WDR41: variants seen among roughly 807,000 people sequenced by gnomAD.
WDR41 encodes the protein WD repeat-containing protein 41.
Under a neutral mutation model 69.3 loss-of-function variants are expected in WDR41, and 63 were observed. The ratio of observed to expected loss-of-function variants is 0.91; its 90% CI spans 0.74 to 1.12. WDR41 has a LOEUF of 1.12. WDR41 is among the 50% of genes most tolerant of loss of function. The pLI is 0.00. For missense variants in WDR41, 543 were observed against 534.5 expected, an observed-to-expected ratio of 1.02 and a Z score of -0.16; for synonymous variants, 185 against 192.1, an observed-to-expected ratio of 0.96 and a Z score of 0.31.
intron 1 of WDR41, among the ~76,000 whole-genome samples, chr5:77,603,345 G>A (rs1242729545): frequency 6.6e-6 from 1 of 152,106 alleles, no homozygotes; most frequent in African/African-American, 2.4e-5. Flanking sequence ...TCATATACCT[G>A]TTGGACATTT....
chr5:77,472,629 AACAG>A (rs1018178951), intron 2 of WDR41, among the ~76,000 whole-genome samples: 12 of 152,030 alleles, frequency 7.9e-5, no homozygotes, highest in South Asian at 2.1e-4. Context: ...TTACACCAAT[AACAG>A]ACAGAGAGCC....
chr5:77,614,648 G>A (rs1269927414), intron 1 of WDR41, among the ~76,000 whole-genome samples: 3 of 142,996 alleles, frequency 2.1e-5, no homozygotes, highest in Admixed American at 1.4e-4. Flanking sequence ...GACTGTTGTG[G>A]GGTGGGGGGG....
chr5:77,556,296 G>C (rs1743393176), intron 1 of WDR41, among the ~76,000 whole-genome samples: 1 of 149,138 alleles, frequency 6.7e-6, no homozygotes, highest in South Asian at 2.1e-4. Context: ...GTAGACATGG[G>C]GTTTCACCAT....
At chr5:77,609,366 C>T (rs10070284) in intron 1 of WDR41, among the ~76,000 whole-genome samples, 107,673 of 151,946 alleles carry the variant, frequency 0.71, 38,417 homozygotes, top group Admixed American at 0.78. Context: ...AGTGGGTCCC[C>T]GACCCCTGAC....
chr5:77,503,405 A>C (rs1480881240), intron 1 of WDR41, among the ~76,000 whole-genome samples: 1 of 152,206 alleles, frequency 6.6e-6, no homozygotes, highest in Non-Finnish European at 1.5e-5. Flanking sequence ...AAAGAGACTT[A>C]GACTCCCACA....
chr5:77,615,078 G>C (rs904301198), intron 1 of WDR41, among the ~76,000 whole-genome samples: 4 of 152,146 alleles, frequency 2.6e-5, no homozygotes, highest in Admixed American at 1.3e-4. Flanking sequence ...AAATGGGTTG[G>C]AGGAAATTTT....
chr5:77,474,008 C>T (rs1282732726), intron 2 of WDR41, among the ~76,000 whole-genome samples: 2 of 152,154 alleles, frequency 1.3e-5, no homozygotes, highest in Non-Finnish European at 2.9e-5. Context: ...CGGCACTGTT[C>T]ACAATAGCAA....
chr5:77,517,399 AC>A (rs1802305521), intron 1 of WDR41, among the ~76,000 whole-genome samples: 2 of 151,902 alleles, frequency 1.3e-5, no homozygotes, highest in African/African-American at 4.8e-5. Context: ...AAAAACAAAA[AC>A]AAAAAAAACA....
chr5:77,434,698 A>G (rs1798872653), intron 12 of WDR41, among the ~76,000 whole-genome samples: 1 of 152,150 alleles, frequency 6.6e-6, no homozygotes, highest in Non-Finnish European at 1.5e-5. Flanking sequence ...TGCTGTCTCA[A>G]AGAAAAAAAA....
chr5:77,475,697 T>C (rs1800884789), intron 2 of WDR41, among the ~76,000 whole-genome samples: 1 of 151,836 alleles, frequency 6.6e-6, no homozygotes, highest in South Asian at 2.1e-4. Flanking sequence ...AGACCAAAAC[T>C]AGACAAAACC....
intron 1 of WDR41, among the ~76,000 whole-genome samples, chr5:77,508,711 A>T (rs1368048421): frequency 1.3e-5 from 2 of 151,842 alleles, no homozygotes; most frequent in Non-Finnish European, 2.9e-5. Context: ...CTAGATACTT[A>T]TTTCCTCCCT....
At chr5:77,474,635 T>G (rs1194138508) in intron 2 of WDR41, among the ~76,000 whole-genome samples, 1 of 152,176 alleles carries the variant, frequency 6.6e-6, no homozygotes, top group Non-Finnish European at 1.5e-5. Flanking sequence ...TAAAAAAGAA[T>G]GTATTATATT....
intron 1 of WDR41, among the ~76,000 whole-genome samples, chr5:77,535,861 T>C (rs1463448158): frequency 1.3e-5 from 2 of 152,232 alleles, no homozygotes; most frequent in African/African-American, 4.8e-5. Flanking sequence ...AAGATTTGCC[T>C]ACCTAGCTGG....
In WDR41 at chr5:77,500,007, T is replaced by C. The variant is rs149155719; in HGVS notation, c.43-10435A>G. 1.5e-3 allele frequency among the ~76,000 whole-genome samples: 227 copies of C among 152,268 alleles called. 2 individuals are homozygous for C. The highest frequency in any genetic ancestry group is 5.2e-3 in the African/African-American group (214 of 41,552). ...TCTCCACAGGACTTAAAACCAAGTTTCATAGTGTCATATTCCAAAGGTCTA... is the reference window on the plus strand; with the variant it reads ...TCTCCACAGGACTTAAAACCAAGTTCCATAGTGTCATATTCCAAAGGTCTA... On this transcript the variant is annotated intron_variant, in intron 1 of 5. Coordinates refer to the WDR41 transcript ENST00000509971.
At position 77,453,928 on chromosome 5, in the gene WDR41, A is replaced by G. The variant is rs1381108407; in HGVS notation, c.412T>C (p.Cys138Arg). Residue 138 changes from cysteine to arginine, a missense_variant and splice_region_variant, in exon 6 of 13, where the codon TGT becomes CGT. Transcript: ENST00000296679. ...RISCFQSTVK[C>R]LTVLQRLDVW... ...TCTAGTCTCTGAAGAACAGTTAAAC[A>G]CTGCAAAATTTATTTGAAATGTATA... 3.7e-6 allele frequency: 6 copies of G among 1,611,654 alleles called. No individual in the cohort carries two copies. The highest frequency in any genetic ancestry group is 5.1e-6 in the Non-Finnish European group (6 of 1,177,870).
chr5:77,599,136 A>G (rs1483203426), intron 1 of WDR41, among the ~76,000 whole-genome samples: 1 of 138,706 alleles, frequency 7.2e-6, no homozygotes, highest in Admixed American at 7.2e-5. Flanking sequence ...TTTTTTTTCT[A>G]TTGATAGAAT....
At chr5:77,577,077 T>C (rs368433020) in intron 1 of WDR41, among the ~76,000 whole-genome samples, 5 of 152,158 alleles carry the variant, frequency 3.3e-5, no homozygotes, top group African/African-American at 1.2e-4. Flanking sequence ...CTCCTCAGCC[T>C]AGCCACAAAC....
At chr5:77,594,749 A>T (rs184469832) in intron 1 of WDR41, among the ~76,000 whole-genome samples, 1 of 152,326 alleles carries the variant, frequency 6.6e-6, no homozygotes, top group African/African-American at 2.4e-5. Flanking sequence ...AGGGGAAAAA[A>T]AGCTGTTTTT....
At position 77,606,401 on chromosome 5, in the gene WDR41, G is replaced by C. The variant is rs1170112685; in HGVS notation, c.42+14078C>G. 2.6e-5 allele frequency among the ~76,000 whole-genome samples: 4 copies of C among 152,206 alleles called. No homozygotes were observed. The East Asian group carries it at 7.7e-4, about 29-fold the overall frequency. On this transcript the variant is annotated intron_variant, in intron 1 of 5. Transcript: ENST00000509971. Reference sequence around the variant, plus strand: ...GAGGAAAGAAAGTTGGGAAAATAGAGTGCAGACATTATTTAGTGCATTGAA... The same window carrying C: ...GAGGAAAGAAAGTTGGGAAAATAGACTGCAGACATTATTTAGTGCATTGAA...
Sources: allele counts gnomAD v4.1 joint callset (sites outside exome capture counted in the v4.1 genomes callset), GRCh38; gene constraint gnomAD v4.1.1; transcripts MANE v1.5; gene names NCBI Gene and HGNC (gene_info 2026-07-23, HGNC 2026-07-21).